The following LUZP2 variants were observed in gnomAD, a reference collection of about 807,000 sequenced individuals.
The protein encoded by LUZP2 is leucine zipper protein 2.
Under a neutral mutation model 51.6 loss-of-function variants are expected in LUZP2, and 52 were observed. The ratio of observed to expected loss-of-function variants is 1.01; its 90% CI spans 0.81 to 1.27. LUZP2 has a LOEUF of 1.27. LUZP2 is among the 50% of genes most tolerant of loss of function. LUZP2 has a pLI of 0.00. For missense variants in LUZP2, 436 were observed against 395.4 expected (o/e 1.10, Z -0.87); for synonymous variants, 154 against 137.3 (o/e 1.12, Z -0.85).
At position 24,671,260 on chromosome 11, in the gene LUZP2, C is replaced by T. The variant is rs546096997; in HGVS notation, c.63-57909C>T. On this transcript the variant is annotated intron_variant, in intron 1 of 11. Transcript: ENST00000336930. ...TCCTATAGATCTTATTATTGTTTTACTTATTTACAGCAGTTTTAGCAGTTT... is the reference window on the plus strand; with the variant it reads ...TCCTATAGATCTTATTATTGTTTTATTTATTTACAGCAGTTTTAGCAGTTT... Among the ~76,000 whole-genome samples, 11 of 151,842 alleles carry T rather than the reference C, an allele frequency of 7.2e-5. No individual in the cohort carries two copies. In the South Asian group the frequency reaches 1.7e-3, roughly 23 times the overall value.
chr11:24,825,803 C>T lies in LUZP2; in HGVS notation c.396+62495C>T, dbSNP rs113956018. 9.8e-3 allele frequency among the ~76,000 whole-genome samples: 1,495 copies of T among 152,064 alleles called. 12 individuals carry two copies. Among genetic ancestry groups the T allele is most frequent in the Middle Eastern group, 0.054 (16 of 294 alleles). On this transcript the variant is annotated intron_variant, in intron 5 of 11. Transcript: ENST00000336930. ...ATGGGATCAGTATTTTGGAAGCCTGCTACATATTTTCAAATAGATTCCATT... is the reference window on the plus strand; with the variant it reads ...ATGGGATCAGTATTTTGGAAGCCTGTTACATATTTTCAAATAGATTCCATT...
intron 1 of LUZP2, among the ~76,000 whole-genome samples, chr11:24,620,381 A>C (rs1323909149): frequency 6.6e-6 from 1 of 152,094 alleles, no homozygotes; most frequent in Non-Finnish European, 1.5e-5. Flanking sequence ...AGTTTTGTCA[A>C]GGTATTATAT....
rs539060206 is a variant in LUZP2, at chr11:24,757,635, A to C, written c.334-5611A>C. Among the ~76,000 whole-genome samples, 178 of 152,108 alleles carry C rather than the reference A, an allele frequency of 1.2e-3. 1 individual carries two copies. Among genetic ancestry groups the C allele is most frequent in the Middle Eastern group, 0.011 (3 of 266 alleles). ...ACAAAAAACAATAAACTATGAAAGA[A>C]ACAAAAATCCCCTAAATCCTTAGTT... On this transcript the variant is annotated intron_variant, in intron 4 of 11. Coordinates refer to ENST00000336930, the MANE Select transcript of LUZP2 (RefSeq NM_001009909.4).
chr11:24,596,820 C>T (rs12279651), intron 1 of LUZP2, among the ~76,000 whole-genome samples: 6,714 of 152,180 alleles, frequency 0.044, 379 homozygotes, highest in African/African-American at 0.13. Flanking sequence ...TATGTACAGT[C>T]ACAGGAATAA....
Position 24,798,611 on chromosome 11 carries a change from T to TA in LUZP2, c.396+35304dup, listed in dbSNP as rs555386294. 2.9e-3 allele frequency among the ~76,000 whole-genome samples: 440 copies of TA among 152,296 alleles called. 4 individuals carry two copies. Among genetic ancestry groups the TA allele is most frequent in the African/African-American group, 0.01 (422 of 41,558 alleles). Reference sequence around the variant, plus strand: ...CAAATCAGAGCACACAAGGGACATTTAGTCTAGAGATATCAGATGGAGAGT... The same window carrying TA: ...CAAATCAGAGCACACAAGGGACATTTAAGTCTAGAGATATCAGATGGAGAGT... On this transcript the variant is annotated intron_variant, in intron 5 of 11. Transcript: ENST00000336930.
intron 7 of LUZP2, among the ~76,000 whole-genome samples, chr11:24,935,545 C>T (rs536611549): frequency 1.3e-5 from 2 of 152,140 alleles, no homozygotes; most frequent in East Asian, 3.9e-4. Context: ...TGTAAAATTG[C>T]ATTTGAGTGC....
At chr11:24,751,507 A>C (rs1229234211) in intron 4 of LUZP2, 15 of 775,622 alleles carry the variant, frequency 1.9e-5, no homozygotes, top group Non-Finnish European at 2.4e-5. Context: ...ACATCAGTGC[A>C]GTACAAAAGC....
intron 4 of LUZP2, among the ~76,000 whole-genome samples, chr11:24,745,885 C>T (rs993928546): frequency 6.6e-6 from 1 of 152,036 alleles, no homozygotes; most frequent in African/African-American, 2.4e-5. Flanking sequence ...GCCATGTTGG[C>T]CAGGATGGTC....
intron 9 of LUZP2, among the ~76,000 whole-genome samples, chr11:25,006,516 T>C (rs1293975929): frequency 6.6e-6 from 1 of 152,110 alleles, no homozygotes; most frequent in East Asian, 1.9e-4. Flanking sequence ...TCCAAAGATT[T>C]GGGGGTTGTT....
At chr11:24,700,582 T>G (rs987739688) in intron 1 of LUZP2, among the ~76,000 whole-genome samples, 6 of 55,966 alleles carry the variant, frequency 1.1e-4, no homozygotes, top group African/African-American at 3.2e-4. Flanking sequence ...GAAATTGTGT[T>G]TTTTTTTTAA....
intron 1 of LUZP2, among the ~76,000 whole-genome samples, chr11:24,509,718 A>C (rs1191322053): frequency 2.0e-5 from 3 of 151,642 alleles, no homozygotes; most frequent in Non-Finnish European, 4.4e-5. Context: ...TATTACTCAT[A>C]GATACCTTGC....
At chr11:24,866,390 G>C (rs897496699) in intron 5 of LUZP2, among the ~76,000 whole-genome samples, 2 of 152,114 alleles carry the variant, frequency 1.3e-5, no homozygotes, top group Non-Finnish European at 2.9e-5. Flanking sequence ...AATCCACAGT[G>C]ACTATCTCAA....
chr11:24,941,058 G>A (rs1018863889), intron 7 of LUZP2, among the ~76,000 whole-genome samples: 1 of 152,142 alleles, frequency 6.6e-6, no homozygotes, highest in Non-Finnish European at 1.5e-5. Flanking sequence ...GAGATTTACT[G>A]TTGCGTTTAG....
chr11:24,633,958 G>GTATATATATATATATATATA (rs534303582), intron 1 of LUZP2, among the ~76,000 whole-genome samples: 1 of 134,924 alleles, frequency 7.4e-6, no homozygotes, highest in South Asian at 2.5e-4. Context: ...GTGTGTGTGT[G>GTATATATATATATATATATA]TGTGTGTATA....
intron 10 of LUZP2, among the ~76,000 whole-genome samples, chr11:25,050,406 G>A (rs1399740063): frequency 2.9e-5 from 4 of 139,252 alleles, no homozygotes; most frequent in South Asian, 2.4e-4. Flanking sequence ...CCGGGTTCAC[G>A]CCATTCTCCT....
At chr11:24,815,021 G>A (rs1170281624) in intron 5 of LUZP2, among the ~76,000 whole-genome samples, 2 of 150,864 alleles carry the variant, frequency 1.3e-5, no homozygotes, top group Admixed American at 1.3e-4. Flanking sequence ...AATAATCAAT[G>A]TGAAAGCAAA....
intron 5 of LUZP2, among the ~76,000 whole-genome samples, chr11:24,834,944 G>GT (rs1250687047): frequency 2.0e-5 from 3 of 151,722 alleles, no homozygotes; most frequent in East Asian, 1.9e-4. Flanking sequence ...AGGGTTGTTT[G>GT]TTTTTTTTCT....
At chr11:24,722,441 A>G (rs905170784) in intron 1 of LUZP2, among the ~76,000 whole-genome samples, 2 of 152,118 alleles carry the variant, frequency 1.3e-5, no homozygotes, top group Non-Finnish European at 2.9e-5. Flanking sequence ...CTCATTCACT[A>G]TCATGAGAAC....
At position 24,891,463 on chromosome 11, in the gene LUZP2, G is replaced by T. The variant is rs186988828; in HGVS notation, c.397-14528G>T. 105 of 946,502 alleles carry T rather than the reference G, an allele frequency of 1.1e-4. No individual in the cohort carries two copies. The African/African-American group carries it at 1.7e-3, about 15-fold the overall frequency. The allele number at this position is 946,502 out of a possible 1,614,324, so 58.6% of individuals were successfully genotyped here. A position where few individuals can be genotyped will look rare whatever the true frequency, so the allele number is the denominator to read the frequency against. ...CACCTTTTGGTTCCTAATAAGGGAA[G>T]ATTTAAATACTTTACTATAAAGCTA... On this transcript the variant is annotated intron_variant, in intron 5 of 11. Transcript: ENST00000336930.
Sources: allele counts gnomAD v4.1 joint callset (sites outside exome capture counted in the v4.1 genomes callset), GRCh38; gene constraint gnomAD v4.1.1; transcripts MANE v1.5; gene names NCBI Gene and HGNC (gene_info 2026-07-23, HGNC 2026-07-21).